The following KCND2 variants were observed in gnomAD, a reference collection of about 807,000 sequenced individuals.
KCND2 encodes the protein potassium voltage-gated channel subfamily D member 2.
In KCND2, 16 loss-of-function variants were observed where a neutral mutation model predicts 54.4. The observed-to-expected ratio is 0.29, with a 90% CI of 0.20 to 0.45. KCND2 has a LOEUF of 0.45. KCND2 is among the 20% of genes least tolerant of loss of function. The pLI is 1.00. For missense variants in KCND2, 486 were observed against 824.2 expected (o/e 0.59, Z 5.02); for synonymous variants, 317 against 310.7 (o/e 1.02, Z -0.21).
chr7:120,698,621 G>A lies in KCND2; in HGVS notation c.1116-34282G>A, dbSNP rs547986505. Among the ~76,000 whole-genome samples the A allele has an allele frequency of 9.9e-5, 15 of 152,262 alleles. 1 individual carries two copies. In the East Asian group the frequency reaches 2.9e-3, roughly 29 times the overall value. On this transcript the variant is annotated intron_variant, in intron 1 of 5. Transcript: ENST00000331113. ...TGAAATAATGAAGGAAATTATTCAT[G>A]CACAAAATCATTCAACAAATATTTG... is the stretch of plus-strand genomic sequence containing the variant.
upstream of KCND2, among the ~76,000 whole-genome samples, chr7:120,273,153 G>GC (rs1799102745): frequency 6.6e-6 from 1 of 152,168 alleles, no homozygotes; most frequent in Non-Finnish European, 1.5e-5. Context: ...TCAAGCCGAG[G>GC]GAAAGGCAGG....
chr7:120,644,661 C>T (rs143153609), intron 1 of KCND2, among the ~76,000 whole-genome samples: 50 of 152,246 alleles, frequency 3.3e-4, no homozygotes, highest in African/African-American at 1.0e-3. Context: ...CATCACAAAA[C>T]GTCAATTAAG....
intron 5 of KCND2, among the ~76,000 whole-genome samples, chr7:120,746,515 G>T (rs1019784879): frequency 3.3e-5 from 5 of 152,008 alleles, no homozygotes; most frequent in African/African-American, 1.2e-4. Context: ...ATATAATTTT[G>T]ATCAGAAAGG....
chr7:120,589,036 T>G (rs1353120073), intron 1 of KCND2, among the ~76,000 whole-genome samples: 1 of 152,144 alleles, frequency 6.6e-6, no homozygotes, highest in Non-Finnish European at 1.5e-5. Flanking sequence ...ACCGGAAAGA[T>G]TTTTCTGAGG....
At chr7:120,659,523 CTG>C (rs1791841436) in intron 1 of KCND2, among the ~76,000 whole-genome samples, 1 of 152,184 alleles carries the variant, frequency 6.6e-6, no homozygotes, top group Admixed American at 6.5e-5. Flanking sequence ...TGGAAAATTA[CTG>C]GCAAATGCAT....
rs763627879 is a variant in KCND2, at chr7:120,275,151, G to T, written c.519G>T (p.Arg173Ser). ...PTMTARQRVW[R>S]AFENPHTSTM... Reference sequence around the variant, plus strand: ...TGACTGCAAGGCAGAGGGTCTGGAGGGCCTTCGAGAACCCCCACACCAGCA... The same window carrying T: ...TGACTGCAAGGCAGAGGGTCTGGAGTGCCTTCGAGAACCCCCACACCAGCA... The change falls in exon 1 of 6, where the codon AGG becomes AGT. Residue 173 changes from arginine (R) to serine (S), a missense_variant. Around this residue, in one of 7 missense-constraint regions of KCND2, gnomAD observed 231 missense variants for 386.0 expected, o/e 0.60. Coordinates refer to ENST00000331113, the MANE Select transcript of KCND2 (RefSeq NM_012281.3). The T allele has an allele frequency of 1.2e-6, 2 of 1,613,876 alleles. No homozygotes were observed. Among genetic ancestry groups the T allele is most frequent in the Non-Finnish European group, 1.7e-6 (2 of 1,180,014 alleles).
intron 1 of KCND2, among the ~76,000 whole-genome samples, chr7:120,489,859 A>G (rs1057255386): frequency 2.0e-5 from 3 of 152,156 alleles, no homozygotes; most frequent in African/African-American, 7.2e-5. Context: ...TGGGCCCGCC[A>G]TGATAATTCT....
chr7:120,708,436 A>G (rs2116056787), intron 1 of KCND2, among the ~76,000 whole-genome samples: 1 of 152,312 alleles, frequency 6.6e-6, no homozygotes, highest in South Asian at 2.1e-4. Flanking sequence ...TGAACTTTCT[A>G]GAAAAATATT....
chr7:120,584,220 A>G (rs1792561815), intron 1 of KCND2, among the ~76,000 whole-genome samples: 1 of 152,186 alleles, frequency 6.6e-6, no homozygotes, highest in Non-Finnish European at 1.5e-5. Context: ...CATCACACAT[A>G]TGCTGCCCTT....
chr7:120,590,651 A>G (rs891465814), intron 1 of KCND2, among the ~76,000 whole-genome samples: 1 of 152,186 alleles, frequency 6.6e-6, no homozygotes, highest in Non-Finnish European at 1.5e-5. Context: ...GATTCTCAAA[A>G]GAATATGCAG....
intron 1 of KCND2, among the ~76,000 whole-genome samples, chr7:120,294,887 T>A (rs1799486644): frequency 6.6e-6 from 1 of 151,848 alleles, no homozygotes; most frequent in South Asian, 2.1e-4. Flanking sequence ...TGTATGCCAG[T>A]AAAATATGTT....
intron 1 of KCND2, among the ~76,000 whole-genome samples, chr7:120,490,671 C>A (rs1363916261): frequency 6.6e-6 from 1 of 152,100 alleles, no homozygotes; most frequent in East Asian, 1.9e-4. Context: ...GAGTGATATT[C>A]ATGGCATACC....
intron 1 of KCND2, among the ~76,000 whole-genome samples, chr7:120,279,731 T>C (rs1329491268): frequency 1.3e-5 from 2 of 151,956 alleles, no homozygotes; most frequent in Non-Finnish European, 2.9e-5. Context: ...CACTTAAATT[T>C]TCATAGCGAT....
chr7:120,358,621 C>T (rs771498294), intron 1 of KCND2, among the ~76,000 whole-genome samples: 14 of 152,190 alleles, frequency 9.2e-5, no homozygotes, highest in Middle Eastern at 3.4e-3. Flanking sequence ...ATACCTAAGT[C>T]TACCCTGATG....
intron 1 of KCND2, among the ~76,000 whole-genome samples, chr7:120,651,572 G>A (rs577038721): frequency 1.9e-4 from 29 of 152,258 alleles, no homozygotes; most frequent in Non-Finnish European, 2.8e-4. Flanking sequence ...CCCGTGTGAG[G>A]CAATGCCTTG....
chr7:120,584,104 A>T (rs1009117098), intron 1 of KCND2, among the ~76,000 whole-genome samples: 1 of 152,218 alleles, frequency 6.6e-6, no homozygotes, highest in African/African-American at 2.4e-5. Context: ...AACTGAGGTA[A>T]ACATCTGGAA....
At chr7:120,367,489 GA>G (rs1800703836) in intron 1 of KCND2, among the ~76,000 whole-genome samples, 1 of 151,626 alleles carries the variant, frequency 6.6e-6, no homozygotes, top group African/African-American at 2.4e-5. Context: ...ACTAGAACCT[GA>G]AGTTTTAATA....
intron 1 of KCND2, among the ~76,000 whole-genome samples, chr7:120,662,634 G>C (rs139651074): frequency 6.6e-6 from 1 of 151,974 alleles, no homozygotes; most frequent in African/African-American, 2.4e-5. Flanking sequence ...TTGTTTTTTT[G>C]GTTCCTAAAT....
chr7:120,677,566 T>TATAGATAG (rs1792082046), intron 1 of KCND2, among the ~76,000 whole-genome samples: 1 of 124,716 alleles, frequency 8.0e-6, no homozygotes, highest in African/African-American at 3.2e-5. Flanking sequence ...GATATATAGA[T>TATAGATAG]ATATAGATAT....
Sources: gnomAD v4.1 joint callset for allele counts (sites outside exome capture counted in the v4.1 genomes callset) on GRCh38, gnomAD v4.1.1 for gene constraint, gnomAD v4.1.1 regional missense constraint, MANE v1.5 for transcripts, NCBI Gene and HGNC (gene_info 2026-07-23, HGNC 2026-07-21) for gene names.